The following CALB1 variants were observed in gnomAD, a reference collection of about 807,000 sequenced individuals.
The protein encoded by CALB1 is calbindin.
A neutral mutation model predicts 46.7 loss-of-function variants in CALB1; 16 were observed. The observed-to-expected ratio is 0.34, with a 90% CI of 0.23 to 0.52. The LOEUF is 0.52. Among genes scored for constraint, CALB1 ranks in the 20% least tolerant of loss-of-function variants. The pLI is 0.95. For missense variants in CALB1, 224 were observed against 300.3 expected (o/e 0.75, Z 1.88); for synonymous variants, 90 against 112.8 (o/e 0.80, Z 1.28).
intron 3 of CALB1, among the ~76,000 whole-genome samples, chr8:90,069,820 A>G (rs1023095443): frequency 6.6e-6 from 1 of 152,138 alleles, no homozygotes; most frequent in South Asian, 2.1e-4. Context: ...GGGGCGTTAA[A>G]CAGGAATAGG....
intron 1 of CALB1, 108 bp from the exon 2 acceptor site, chr8:90,082,210 G>C (rs1814745754): frequency 2.1e-6 from 2 of 942,148 alleles, no homozygotes; most frequent in Admixed American, 4.3e-5. Context: ...GCTCTCTCTT[G>C]CCTGGACGTT....
chr8:90,073,002 A>AT (rs1554579159), intron 3 of CALB1, among the ~76,000 whole-genome samples: 1 of 151,840 alleles, frequency 6.6e-6, no homozygotes, highest in Admixed American at 6.6e-5. Flanking sequence ...AGGAAAAAAA[A>AT]CCAACAACTT....
rs559580516 is a variant in CALB1 at position 90,074,048 on chromosome 8, G to A, written c.231+4325C>T. Among the ~76,000 whole-genome samples the A allele has an allele frequency of 1.3e-3, 195 of 151,662 alleles. 1 individual carries two copies. Among genetic ancestry groups the A allele is most frequent in the African/African-American group, 4.2e-3 (173 of 41,342 alleles). Reference sequence around the variant, plus strand: ...TTTTTCACTTGAGAACCAGAAAAACGTTTTCCCTAGCCAGTGAGAAGTGAG... The same window carrying A: ...TTTTTCACTTGAGAACCAGAAAAACATTTTCCCTAGCCAGTGAGAAGTGAG... On this transcript the variant is annotated intron_variant, in intron 3 of 10. Transcript: ENST00000265431.
chr8:90,061,874 C>G (rs916163781), intron 9 of CALB1: 4 of 151,868 alleles, frequency 2.6e-5, no homozygotes, highest in Admixed American at 1.3e-4. Context: ...CATATGTAAC[C>G]ACAAAAGATC....
At chr8:90,064,019 A>G (rs1238819888) in intron 6 of CALB1, 1 of 151,816 alleles carries the variant, frequency 6.6e-6, no homozygotes, top group Non-Finnish European at 1.5e-5. Flanking sequence ...ATGTAAACAC[A>G]CTCATACCCG....
intron 6 of CALB1, 35 bp from the exon 7 acceptor site, chr8:90,063,496 A>T: frequency 6.4e-7 from 1 of 1,554,510 alleles, no homozygotes; most frequent in Non-Finnish European, 8.9e-7. Flanking sequence ...TAGCTATTTG[A>T]GGAATAATTT....
At chr8:90,064,995 CCTT>C (rs767106073) in intron 6 of CALB1, among the ~76,000 whole-genome samples, 2 of 151,766 alleles carry the variant, frequency 1.3e-5, no homozygotes, top group Admixed American at 6.6e-5. Context: ...AAGTCTAACT[CCTT>C]CTTCAATCTA....
At chr8:90,064,386 A>G (rs186939502) in intron 6 of CALB1, 2 of 151,832 alleles carry the variant, frequency 1.3e-5, no homozygotes, top group East Asian at 3.9e-4. Flanking sequence ...AAGATACTGG[A>G]CAGCTCGATT....
chr8:90,063,217 A>G, intron 8 of CALB1, 64 bp from the exon 9 acceptor site: 3 of 1,534,016 alleles, frequency 2.0e-6, no homozygotes, highest in Non-Finnish European at 2.7e-6. Flanking sequence ...GTTTCCCTTG[A>G]CAAGTCTCCC....
chr8:90,082,477 A>G, intron 1 of CALB1, 142 bp downstream of exon 1: 1 of 710,542 alleles, frequency 1.4e-6, no homozygotes, highest in South Asian at 1.7e-5. Context: ...TCGGGGAGAT[A>G]AGAAGATAAG....
chr8:90,060,578 T>C, intron 10 of CALB1, 51 bp downstream of exon 10: 1 of 1,413,620 alleles, frequency 7.1e-7, no homozygotes, highest in Non-Finnish European at 1.0e-6. Context: ...TGGTTTTGGA[T>C]GGATCCACAG....
At chr8:90,082,192 C>A in intron 1 of CALB1, 90 bp from the exon 2 acceptor site, 1 of 1,135,758 alleles carries the variant, frequency 8.8e-7, no homozygotes. Context: ...TTTCTGGCGA[C>A]CCGAGAGGCT....
Position 90,060,129 on chromosome 8 carries a change from T to G in CALB1, c.*44A>C, listed in dbSNP as rs760333684. 1 of 1,114,820 alleles carries G rather than the reference T, an allele frequency of 9.0e-7. No homozygotes were observed. Among genetic ancestry groups the G allele is most frequent in the Non-Finnish European group, 1.4e-6 (1 of 724,744 alleles). The allele number at this position is 1,114,820 out of a possible 1,614,324, so 69.1% of individuals were successfully genotyped here. A position where few individuals can be genotyped will look rare whatever the true frequency, so the allele number is the denominator to read the frequency against. On this transcript the variant is annotated 3_prime_UTR_variant, in exon 11 of 11. Transcript: ENST00000265431. ...ACTCCCTTATAGTGCACAGTTATTT[T>G]TTAGATACAGTGTATCACTAGCAAG... is the stretch of plus-strand genomic sequence containing the variant.
intron 5 of CALB1, 102 bp from the exon 6 acceptor site, chr8:90,066,077 G>A: frequency 7.8e-6 from 6 of 774,134 alleles, no homozygotes; most frequent in Non-Finnish European, 8.8e-6. Flanking sequence ...TGCAAAGAAA[G>A]TCTCCTTTTG....
rs749146042 is a variant in CALB1, at chr8:90,060,180, T to C, written c.779A>G (p.Asp260Gly). The C allele has an allele frequency of 6.2e-7, 1 of 1,608,298 alleles. No homozygotes were observed. Among genetic ancestry groups the C allele is most frequent in the Non-Finnish European group, 8.5e-7 (1 of 1,174,780 alleles). ...TGGTTGCGGCCACCAACTCTAGTTA[T>C]CCCCAGCACAGAGAATAAGAGCAAG... ...TDLALILCAG[D>G]N The change falls in exon 11 of 11, where the codon GAT becomes GGT. Residue 260 changes from aspartate (D) to glycine (G), a missense_variant. By Grantham distance (94) the Asp-to-Gly change is moderately conservative. Transcript: ENST00000265431.
chr8:90,061,983 G>T (rs1481635007), intron 9 of CALB1: 1 of 152,018 alleles, frequency 6.6e-6, no homozygotes, highest in African/African-American at 2.4e-5. Context: ...GATTAAAACA[G>T]TATAGCTCTG....
intron 3 of CALB1, among the ~76,000 whole-genome samples, chr8:90,077,494 T>C (rs1814642759): frequency 6.6e-6 from 1 of 152,018 alleles, no homozygotes; most frequent in African/African-American, 2.4e-5. Context: ...AACATAATTA[T>C]GTTATGATTT....
intron 6 of CALB1, among the ~76,000 whole-genome samples, chr8:90,064,794 G>A (rs953462426): frequency 6.6e-6 from 1 of 151,678 alleles, no homozygotes; most frequent in South Asian, 2.1e-4. Flanking sequence ...AAACCTTTTT[G>A]GTTGTTTTGA....
chr8:90,078,310 G>A, intron 3 of CALB1, 63 bp downstream of exon 3: 2 of 1,022,908 alleles, frequency 2.0e-6, no homozygotes, highest in Non-Finnish European at 3.0e-6. Flanking sequence ...TTGACTTGAA[G>A]ACAACTTCAA....
Sources: allele counts gnomAD v4.1 joint callset (sites outside exome capture counted in the v4.1 genomes callset), GRCh38; gene constraint gnomAD v4.1.1; transcripts MANE v1.5; gene names NCBI Gene and HGNC (gene_info 2026-07-23, HGNC 2026-07-21).